PTPRD: variants seen among roughly 807,000 people sequenced by gnomAD.
PTPRD encodes protein tyrosine phosphatase receptor type D.
A neutral mutation model predicts 214.5 loss-of-function variants in PTPRD; 34 were observed. That is an observed-to-expected ratio of 0.16 (90% confidence interval 0.12 to 0.21). The LOEUF is 0.21. PTPRD is among the 10% of genes least tolerant of loss of function. The pLI, the probability that PTPRD is intolerant of heterozygous loss-of-function variation, is 1.00. For missense variants in PTPRD, 2,545 were observed against 2,398.7 expected (o/e 1.06, Z -1.27); for synonymous variants, 1,128 against 845.7 (o/e 1.33, Z -5.79).
At chr9:8,960,514 G>A (rs958181423) in intron 11 of PTPRD, among the ~76,000 whole-genome samples, 1 of 152,046 alleles carries the variant, frequency 6.6e-6, no homozygotes, top group Non-Finnish European at 1.5e-5. Flanking sequence ...GACATCCAAG[G>A]TTCAAAGTGC....
chr9:9,372,544 T>C (rs1381820506), intron 9 of PTPRD, among the ~76,000 whole-genome samples: 1 of 152,076 alleles, frequency 6.6e-6, no homozygotes, highest in Non-Finnish European at 1.5e-5. Context: ...TACAGCACAC[T>C]GATGGGTCTT....
At chr9:9,329,408 C>A (rs79195603) in intron 9 of PTPRD, among the ~76,000 whole-genome samples, 1 of 152,206 alleles carries the variant, frequency 6.6e-6, no homozygotes, top group East Asian at 1.9e-4. Context: ...AACACAGATT[C>A]CATGCCCTTT....
intron 2 of PTPRD, among the ~76,000 whole-genome samples, chr9:10,385,959 G>T (rs1340142989): frequency 6.6e-6 from 1 of 151,644 alleles, no homozygotes; most frequent in Non-Finnish European, 1.5e-5. Flanking sequence ...TATTAAAACA[G>T]CATCTTTTGA....
At chr9:9,766,565 T>C (rs1053800354) in intron 6 of PTPRD, among the ~76,000 whole-genome samples, 1 of 152,166 alleles carries the variant, frequency 6.6e-6, no homozygotes, top group Admixed American at 6.5e-5. Flanking sequence ...TGCAAGAGCA[T>C]TAGTGTTAAC....
intron 14 of PTPRD, among the ~76,000 whole-genome samples, chr9:8,576,052 T>C (rs1364788876): frequency 6.6e-6 from 1 of 152,222 alleles, no homozygotes; most frequent in African/African-American, 2.4e-5. Flanking sequence ...ATACTTAGTA[T>C]GCATGAAAGC....
intron 8 of PTPRD, among the ~76,000 whole-genome samples, chr9:9,473,355 C>T (rs2094771336): frequency 6.6e-6 from 1 of 152,136 alleles, no homozygotes; most frequent in Non-Finnish European, 1.5e-5. Context: ...ATATATAACA[C>T]ATACTTCTAG....
rs142779187 is a variant in PTPRD, at chr9:9,725,731, G to A, written c.-287+8802C>T. Reference sequence around the variant, plus strand: ...TTCTTCAAGAAGAATAAACATTTGAGAAGTTTTCTGTGGTGACAAATATTT... The same window carrying A: ...TTCTTCAAGAAGAATAAACATTTGAAAAGTTTTCTGTGGTGACAAATATTT... On this transcript the variant is annotated intron_variant, in intron 7 of 45. Coordinates refer to ENST00000381196, the MANE Select transcript of PTPRD (RefSeq NM_002839.4). Among the ~76,000 whole-genome samples the A allele has an allele frequency of 1.7e-3, 252 of 152,252 alleles. 1 individual carries two copies. Among genetic ancestry groups the A allele is most frequent in the African/African-American group, 5.7e-3 (236 of 41,568 alleles).
chr9:9,101,082 C>A (rs1221893035), intron 10 of PTPRD, among the ~76,000 whole-genome samples: 6 of 125,406 alleles, frequency 4.8e-5, no homozygotes, highest in African/African-American at 1.7e-4. Context: ...GAAATCTGAA[C>A]CAATTGGCCA....
chr9:8,852,518 G>A (rs1247840832), intron 11 of PTPRD, among the ~76,000 whole-genome samples: 2 of 152,190 alleles, frequency 1.3e-5, no homozygotes, highest in Non-Finnish European at 2.9e-5. Context: ...GTGGGGACCT[G>A]CCACGTAAAA....
chr9:8,739,332 C>A (rs938293188), intron 11 of PTPRD, among the ~76,000 whole-genome samples: 1 of 152,206 alleles, frequency 6.6e-6, no homozygotes, highest in African/African-American at 2.4e-5. Context: ...AATATTTTAA[C>A]GTGGTATAAA....
intron 6 of PTPRD, among the ~76,000 whole-genome samples, chr9:9,753,413 T>A (rs995301330): frequency 1.3e-5 from 2 of 152,064 alleles, no homozygotes; most frequent in Non-Finnish European, 2.9e-5. Flanking sequence ...TCCATTATAC[T>A]TTGAGGGCTT....
chr9:8,497,224 C>G lies in PTPRD; in HGVS notation c.2349+18G>C. The G allele has an allele frequency of 6.3e-7, 1 of 1,582,480 alleles. No individual in the cohort carries two copies. The highest frequency in any genetic ancestry group is 8.6e-7 in the Non-Finnish European group (1 of 1,165,372). ...CATATATAGTCTGCTTTTGACAAAA[C>G]AGTCAAAAATTACTCACATGTTCAG... On this transcript the variant is annotated intron_variant, in intron 26 of 45. Coordinates refer to ENST00000381196, the MANE Select transcript of PTPRD (RefSeq NM_002839.4).
At chr9:8,337,315 G>A (rs1282794369) in intron 43 of PTPRD, among the ~76,000 whole-genome samples, 1 of 152,074 alleles carries the variant, frequency 6.6e-6, no homozygotes, top group Non-Finnish European at 1.5e-5. Flanking sequence ...GCAGGGACAT[G>A]GATGAAGCTG....
At chr9:9,107,028 C>T (rs546273778) in intron 10 of PTPRD, among the ~76,000 whole-genome samples, 1 of 151,562 alleles carries the variant, frequency 6.6e-6, no homozygotes, top group Non-Finnish European at 1.5e-5. Flanking sequence ...CTTCAGCTAT[C>T]TTTATCTTTA....
chr9:8,804,172 C>G (rs1244109837), intron 11 of PTPRD, among the ~76,000 whole-genome samples: 1 of 152,032 alleles, frequency 6.6e-6, no homozygotes, highest in Non-Finnish European at 1.5e-5. Context: ...CGTCTGGTCT[C>G]GAACTCCTGA....
intron 5 of PTPRD, among the ~76,000 whole-genome samples, chr9:9,795,356 C>A (rs2098995123): frequency 6.6e-6 from 1 of 151,758 alleles, no homozygotes; most frequent in Non-Finnish European, 1.5e-5. Flanking sequence ...ATTAACTCAC[C>A]CAGCTTTGAA....
At chr9:8,351,639 C>G (rs1221787740) in intron 39 of PTPRD, among the ~76,000 whole-genome samples, 1 of 149,408 alleles carries the variant, frequency 6.7e-6, no homozygotes, top group Non-Finnish European at 1.5e-5. Context: ...TCCTGTGTAG[C>G]CCAGACTTAG....
At chr9:9,815,888 C>T (rs1053684781) in intron 5 of PTPRD, among the ~76,000 whole-genome samples, 1 of 152,098 alleles carries the variant, frequency 6.6e-6, no homozygotes, top group Non-Finnish European at 1.5e-5. Context: ...AAGAAAGATG[C>T]TAAGTCCAAG....
chr9:9,552,544 T>C (rs922827517), intron 8 of PTPRD, among the ~76,000 whole-genome samples: 3 of 152,056 alleles, frequency 2.0e-5, no homozygotes, highest in African/African-American at 7.2e-5. Context: ...GTGGGACTTC[T>C]TTTATATGCA....
Sources: allele counts gnomAD v4.1 joint callset (sites outside exome capture counted in the v4.1 genomes callset), GRCh38; gene constraint gnomAD v4.1.1; transcripts MANE v1.5; gene names NCBI Gene and HGNC (gene_info 2026-07-23, HGNC 2026-07-21).